MATCAP1: variants seen among roughly 807,000 people sequenced by gnomAD.
The protein encoded by MATCAP1 is microtubule associated tyrosine carboxypeptidase 1, also known as microtubule-associated tyrosine carboxypeptidase 1.
At chr16:67,177,538 C>T in the MATCAP1 span, among the ~76,000 whole-genome samples, 1 of 152,238 alleles carries the variant, frequency 6.6e-6, no homozygotes, top group South Asian at 2.1e-4. Flanking sequence ...AAGGCCTCCT[C>T]CGTGCCCCTG....
At chr16:67,180,866 CGTTTTT>C in the MATCAP1 span, among the ~76,000 whole-genome samples, 1 of 152,142 alleles carries the variant, frequency 6.6e-6, no homozygotes, top group African/African-American at 2.4e-5. Flanking sequence ...CTTTTGTTTT[CGTTTTT>C]GTTTTTTGAG....
the MATCAP1 span, chr16:67,179,298 G>A: frequency 3.3e-6 from 5 of 1,494,824 alleles, no homozygotes; most frequent in South Asian, 2.7e-5. This position sits in a 1 kb window ranked among gnomAD's most constrained non-coding sequence, Gnocchi z 5.2. Context: ...TGCTCAGGAA[G>A]GGAAAGCCCC....
At chr16:67,180,142 G>A in the MATCAP1 span, 1 of 1,614,232 alleles carries the variant, frequency 6.2e-7, no homozygotes, top group South Asian at 1.1e-5. Context: ...TAATGGGACT[G>A]GAAGAACTTG....
chr16:67,176,215 C>G, the MATCAP1 span: 2 of 152,954 alleles, frequency 1.3e-5, no homozygotes, highest in African/African-American at 4.8e-5. The surrounding 1 kb of genome is among the most constrained non-coding windows in gnomAD (Gnocchi z 4.3). Flanking sequence ...GCTGCTGCTC[C>G]CAGCCACAGG....
At chr16:67,176,580 G>A in the MATCAP1 span, 1 of 421,954 alleles carries the variant, frequency 2.4e-6, no homozygotes, top group Non-Finnish European at 4.2e-6. This position sits in a 1 kb window ranked among gnomAD's most constrained non-coding sequence, Gnocchi z 4.3. Context: ...GCTGGAGGCA[G>A]GAGGGCGACT....
the MATCAP1 span, chr16:67,178,160 C>T: frequency 1.3e-6 from 2 of 1,550,212 alleles, no homozygotes; most frequent in Non-Finnish European, 1.7e-6. Context: ...GCCCCGCCCC[C>T]ACCCCGGCTC....
At chr16:67,178,832 T>C in the MATCAP1 span, 15 of 599,208 alleles carry the variant, frequency 2.5e-5, no homozygotes, top group Non-Finnish European at 4.6e-5. Context: ...GGCACAAGAA[T>C]ACATATACCA....
the MATCAP1 span, chr16:67,178,319 C>G: frequency 1.3e-6 from 2 of 1,582,472 alleles, no homozygotes; most frequent in Admixed American, 1.8e-5. Context: ...ATGCGCGCGG[C>G]GCGGTGGATG....
the MATCAP1 span, chr16:67,179,340 G>C: frequency 6.6e-7 from 1 of 1,517,274 alleles, no homozygotes; most frequent in Non-Finnish European, 8.8e-7. This position sits in a 1 kb window ranked among gnomAD's most constrained non-coding sequence, Gnocchi z 5.2. Context: ...GAAACAAAAA[G>C]GGGAGTTATT....
At chr16:67,176,823 C>T in the MATCAP1 span, 2 of 1,592,448 alleles carry the variant, frequency 1.3e-6, no homozygotes, top group Non-Finnish European at 1.7e-6. The surrounding 1 kb of genome is among the most constrained non-coding windows in gnomAD (Gnocchi z 4.3). Flanking sequence ...AGTCGGGTAG[C>T]AGGCGACCCA....
At chr16:67,180,123 T>C in the MATCAP1 span, 7 of 1,614,066 alleles carry the variant, frequency 4.3e-6, no homozygotes, top group East Asian at 2.2e-5. Flanking sequence ...AAACTGTGGA[T>C]TGTAGGTGTA....
At chr16:67,176,841 C>T in the MATCAP1 span, 2 of 1,606,836 alleles carry the variant, frequency 1.2e-6, no homozygotes, top group African/African-American at 1.3e-5. The surrounding 1 kb of genome is among the most constrained non-coding windows in gnomAD (Gnocchi z 4.3). Context: ...CCAGCTCCGC[C>T]TCATCCAGCC....
At chr16:67,180,180 C>T in the MATCAP1 span, 15 of 1,614,086 alleles carry the variant, frequency 9.3e-6, no homozygotes, top group Non-Finnish European at 1.3e-5. Context: ...GTTGGTTGGC[C>T]GCAGGGCCAC....
the MATCAP1 span, chr16:67,178,029 A>G: frequency 3.1e-6 from 5 of 1,614,196 alleles, no homozygotes; most frequent in South Asian, 5.5e-5. Flanking sequence ...TGAGGTCAGC[A>G]ACGGGAAATC....
chr16:67,179,433 T>C, the MATCAP1 span: 3 of 1,610,056 alleles, frequency 1.9e-6, no homozygotes, highest in African/African-American at 1.3e-5. This position sits in a 1 kb window ranked among gnomAD's most constrained non-coding sequence, Gnocchi z 5.2. Context: ...CCCTGACCTA[T>C]CTCATGCCGC....
chr16:67,176,982 G>A, the MATCAP1 span: 1 of 1,538,564 alleles, frequency 6.5e-7, no homozygotes, highest in Admixed American at 2.0e-5. The surrounding 1 kb of genome is among the most constrained non-coding windows in gnomAD (Gnocchi z 4.3). Context: ...ACACCTGCAG[G>A]AGGAAGCCGG....
chr16:67,181,770 C>T, the MATCAP1 span: 5 of 152,368 alleles, frequency 3.3e-5, no homozygotes, highest in Admixed American at 1.3e-4. Flanking sequence ...TCTCCCTCCA[C>T]TTGCTCCTAT....
the MATCAP1 span, chr16:67,178,365 C>G: frequency 5.8e-6 from 9 of 1,564,762 alleles, no homozygotes. Flanking sequence ...ACAGGAACGG[C>G]TGCTTGCGGA....
At chr16:67,177,986 C>G in the MATCAP1 span, 18 of 1,601,704 alleles carry the variant, frequency 1.1e-5, no homozygotes, top group Non-Finnish European at 1.4e-5. Flanking sequence ...TGGCTGGGAC[C>G]TCTGAAGGTC....
Sources: allele counts gnomAD v4.1 joint callset (sites outside exome capture counted in the v4.1 genomes callset), GRCh38; gene constraint gnomAD v4.1.1; non-coding constraint Gnocchi (gnomAD v3.1); transcripts MANE v1.5; gene names NCBI Gene and HGNC (gene_info 2026-07-23, HGNC 2026-07-21).